Variants in FTO observed in about 807,000 individuals in gnomAD.
The protein encoded by FTO is alpha-ketoglutarate-dependent dioxygenase FTO.
In FTO, 47 loss-of-function variants were observed where a neutral mutation model predicts 63.9. The observed-to-expected ratio is 0.74, with a 90% CI of 0.58 to 0.94. FTO has a LOEUF of 0.94. Ranked by LOEUF, FTO falls within the 40% of genes least tolerant of loss-of-function variation. The pLI is 0.00. For synonymous variants in FTO, 207 were observed against 224.4 expected (o/e 0.92, Z 0.69); for missense variants, 562 against 618.1 (o/e 0.91, Z 0.96).
At position 54,111,970 on chromosome 16, in the gene FTO, C is replaced by G; in HGVS notation, c.*55C>G. On this transcript the variant is annotated 3_prime_UTR_variant, in exon 9 of 9. Transcript: ENST00000471389. ...AAAGAGATCGGCTTTTCTCCTCCAA[C>G]GTTGTCATGGGCTTAAGCAAGAGCA... is the stretch of plus-strand genomic sequence containing the variant. The G allele has an allele frequency of 6.3e-7, 1 of 1,599,558 alleles. No individual in the cohort carries two copies. The highest frequency in any genetic ancestry group is 1.1e-5 in the South Asian group (1 of 90,746).
chr16:53,719,118 A>G (rs576608633), intron 1 of FTO, among the ~76,000 whole-genome samples: 1 of 152,320 alleles, frequency 6.6e-6, no homozygotes, highest in East Asian at 1.9e-4. Context: ...TTGGTATCGT[A>G]TTATGCTAGT....
intron 7 of FTO, among the ~76,000 whole-genome samples, chr16:53,899,111 CT>C (rs1354250109): frequency 6.6e-6 from 1 of 152,144 alleles, no homozygotes; most frequent in Non-Finnish European, 1.5e-5. Flanking sequence ...TCTTTAACTT[CT>C]TTTTAAAAAC....
At chr16:53,742,342 G>T (rs1198497167) in intron 1 of FTO, among the ~76,000 whole-genome samples, 2 of 152,170 alleles carry the variant, frequency 1.3e-5, no homozygotes, top group African/African-American at 4.8e-5. Flanking sequence ...GCCACCCCTA[G>T]CTGCAAGAAA....
intron 7 of FTO, among the ~76,000 whole-genome samples, chr16:53,912,000 G>A (rs543524460): frequency 3.3e-5 from 5 of 152,322 alleles, no homozygotes; most frequent in East Asian, 1.9e-4. Context: ...AATCAATATC[G>A]TAACTACAGG....
chr16:53,896,021 C>G lies in FTO; in HGVS notation c.1239+7070C>G, dbSNP rs1479295510. ...ACATGTGCACACACACACATACACA[C>G]ATTTCACACATTCTATATGTAAAGA... On this transcript the variant is annotated intron_variant, in intron 7 of 8. Transcript: ENST00000471389. 7.2e-5 allele frequency among the ~76,000 whole-genome samples: 11 copies of G among 152,304 alleles called. No individual in the cohort carries two copies. In the South Asian group the frequency reaches 2.3e-3, roughly 32 times the overall value.
chr16:54,063,699 T>C (rs1468786507), intron 8 of FTO: 1 of 151,554 alleles, frequency 6.6e-6, no homozygotes, highest in Non-Finnish European at 1.5e-5. Context: ...CTTTTCTTTT[T>C]TTTTTTTTTT....
At chr16:53,728,418 C>G (rs1437371954) in intron 1 of FTO, among the ~76,000 whole-genome samples, 1 of 152,076 alleles carries the variant, frequency 6.6e-6, no homozygotes, top group East Asian at 1.9e-4. Flanking sequence ...TTCCTTTTTT[C>G]TCCTTCCCTT....
intron 8 of FTO, among the ~76,000 whole-genome samples, chr16:54,094,406 A>G (rs565996320): frequency 5.3e-5 from 8 of 152,272 alleles, no homozygotes; most frequent in African/African-American, 1.4e-4. Context: ...CCTGCTCTCT[A>G]TTGAACTACG....
chr16:54,037,495 A>G (rs1295193543), intron 8 of FTO, among the ~76,000 whole-genome samples: 1 of 152,254 alleles, frequency 6.6e-6, no homozygotes, highest in Non-Finnish European at 1.5e-5. Flanking sequence ...TTAGTTTTCC[A>G]GAGGTCCTAA....
chr16:53,810,674 T>C (rs909718861), intron 2 of FTO, among the ~76,000 whole-genome samples: 3 of 152,220 alleles, frequency 2.0e-5, no homozygotes, highest in African/African-American at 7.2e-5. Flanking sequence ...TCCGTGTCTC[T>C]GTCTCTGAAT....
chr16:53,759,834 A>G (rs1598590225), intron 1 of FTO, among the ~76,000 whole-genome samples: 1 of 152,130 alleles, frequency 6.6e-6, no homozygotes, highest in Non-Finnish European at 1.5e-5. Flanking sequence ...ATGGCATTTT[A>G]TCATGAAATT....
At chr16:53,794,075 G>C (rs1175573195) in intron 1 of FTO, among the ~76,000 whole-genome samples, 1 of 152,334 alleles carries the variant, frequency 6.6e-6, no homozygotes, top group East Asian at 1.9e-4. Flanking sequence ...TGATAATAAT[G>C]AATGTTTGAG....
chr16:54,100,283 A>T (rs1034121880), intron 8 of FTO, among the ~76,000 whole-genome samples: 1 of 152,212 alleles, frequency 6.6e-6, no homozygotes, highest in African/African-American at 2.4e-5. Context: ...CTCATTTTCA[A>T]TTTTGAGGAC....
chr16:54,054,529 T>A (rs563360807), intron 8 of FTO: 1 of 152,198 alleles, frequency 6.6e-6, no homozygotes, highest in African/African-American at 2.4e-5. Flanking sequence ...TGGTAATACC[T>A]TGTTATTAGT....
intron 4 of FTO, among the ~76,000 whole-genome samples, chr16:53,855,328 T>C (rs969907852): frequency 3.3e-5 from 5 of 152,078 alleles, no homozygotes; most frequent in African/African-American, 1.2e-4. Flanking sequence ...CCAATTCCAC[T>C]TTTACTTGGA....
At chr16:53,749,071 G>A (rs1315723874) in intron 1 of FTO, among the ~76,000 whole-genome samples, 1 of 152,140 alleles carries the variant, frequency 6.6e-6, no homozygotes, top group Non-Finnish European at 1.5e-5. Context: ...CAGCCTTGTA[G>A]CTATTTTAAA....
At chr16:53,724,110 T>C (rs1318420027) in intron 1 of FTO, among the ~76,000 whole-genome samples, 1 of 152,220 alleles carries the variant, frequency 6.6e-6, no homozygotes, top group Non-Finnish European at 1.5e-5. Flanking sequence ...TTTGAGGATA[T>C]GAATCAAATC....
At chr16:53,771,146 C>T (rs964919062) in intron 1 of FTO, among the ~76,000 whole-genome samples, 5 of 152,078 alleles carry the variant, frequency 3.3e-5, no homozygotes, top group African/African-American at 1.2e-4. Flanking sequence ...ACATTTCAAG[C>T]AACTCTGAAG....
intron 1 of FTO, among the ~76,000 whole-genome samples, chr16:53,709,698 A>G (rs1204410583): frequency 6.6e-6 from 1 of 152,154 alleles, no homozygotes; most frequent in African/African-American, 2.4e-5. Flanking sequence ...GCTCTCATAG[A>G]CCTGTTTGTC....
Sources: gnomAD v4.1 joint callset for allele counts (sites outside exome capture counted in the v4.1 genomes callset) on GRCh38, gnomAD v4.1.1 for gene constraint, MANE v1.5 for transcripts, NCBI Gene and HGNC (gene_info 2026-07-23, HGNC 2026-07-21) for gene names.